The following CCDC60 variants were observed in gnomAD, a reference collection of about 807,000 sequenced individuals.
The protein encoded by CCDC60 is coiled-coil domain-containing protein 60.
Under a neutral mutation model 63.5 loss-of-function variants are expected in CCDC60, and 54 were observed. That is an observed-to-expected ratio of 0.85 (90% CI 0.68 to 1.07). The LOEUF (loss-of-function observed/expected upper bound fraction) is 1.07, where lower values mean the gene tolerates loss of function less well. Ranked by LOEUF, CCDC60 falls within the 50% of genes least tolerant of loss-of-function variation. The pLI, the probability that CCDC60 is intolerant of heterozygous loss-of-function variation, is 0.00. For missense variants in CCDC60, 651 were observed against 684.3 expected, an observed-to-expected ratio of 0.95 and a Z score of 0.54; for synonymous variants, 206 against 238.8, an observed-to-expected ratio of 0.86 and a Z score of 1.27.
chr12:119,435,018 C>G (rs931654999), intron 2 of CCDC60, among the ~76,000 whole-genome samples: 1 of 152,194 alleles, frequency 6.6e-6, no homozygotes, highest in African/African-American at 2.4e-5. Context: ...ATGAGGGAAA[C>G]AGCAGTGAAC....
At chr12:119,356,589 G>T (rs1955721666) in intron 1 of CCDC60, among the ~76,000 whole-genome samples, 2 of 152,198 alleles carry the variant, frequency 1.3e-5, no homozygotes, top group Non-Finnish European at 2.9e-5. Context: ...CCCAGATACA[G>T]GCACTGTGGT....
At chr12:119,417,273 G>C (rs1003353457) in intron 1 of CCDC60, among the ~76,000 whole-genome samples, 3 of 151,940 alleles carry the variant, frequency 2.0e-5, no homozygotes, top group African/African-American at 7.3e-5. Flanking sequence ...ATGCTACATT[G>C]TATGATGTAC....
chr12:119,433,629 A>C (rs907885482), intron 2 of CCDC60: 1 of 699,718 alleles, frequency 1.4e-6, no homozygotes, highest in African/African-American at 1.7e-5. Context: ...GCGAATTGTT[A>C]ACAAAGATGA....
At chr12:119,418,694 C>A (rs370925566) in intron 1 of CCDC60, among the ~76,000 whole-genome samples, 16 of 152,164 alleles carry the variant, frequency 1.1e-4, no homozygotes, top group African/African-American at 3.9e-4. Flanking sequence ...GGATTACAGG[C>A]GTGAGCCCCA....
At chr12:119,399,303 C>T (rs1168222865) in intron 1 of CCDC60, among the ~76,000 whole-genome samples, 2 of 152,168 alleles carry the variant, frequency 1.3e-5, no homozygotes, top group Non-Finnish European at 2.9e-5. Context: ...AGATGGGCAT[C>T]CTCCTGTTGA....
chr12:119,379,875 A>T (rs540911623), intron 1 of CCDC60, among the ~76,000 whole-genome samples: 1 of 152,310 alleles, frequency 6.6e-6, no homozygotes, highest in East Asian at 1.9e-4. Context: ...CATTGAGAAT[A>T]CCCAGCAGGC....
At chr12:119,451,121 A>G (rs749502674) in intron 2 of CCDC60, among the ~76,000 whole-genome samples, 5 of 152,318 alleles carry the variant, frequency 3.3e-5, no homozygotes, top group Admixed American at 6.5e-5. Flanking sequence ...CCTGAAACAA[A>G]GCAAGGTCCA....
At chr12:119,352,995 C>T (rs1389370690) in intron 1 of CCDC60, among the ~76,000 whole-genome samples, 1 of 152,014 alleles carries the variant, frequency 6.6e-6, no homozygotes, top group Non-Finnish European at 1.5e-5. Flanking sequence ...AGATGATGCT[C>T]ATACAGCTTT....
chr12:119,364,321 T>C (rs940942723), intron 1 of CCDC60, among the ~76,000 whole-genome samples: 3 of 152,178 alleles, frequency 2.0e-5, no homozygotes, highest in Non-Finnish European at 4.4e-5. Context: ...CTAATCAAGA[T>C]ATAGAGCATT....
chr12:119,536,552 C>A (rs539816608), intron 13 of CCDC60, among the ~76,000 whole-genome samples: 20 of 152,284 alleles, frequency 1.3e-4, no homozygotes, highest in African/African-American at 4.8e-4. Flanking sequence ...GTGGCTGGTA[C>A]CGGTTGTTCC....
intron 1 of CCDC60, among the ~76,000 whole-genome samples, chr12:119,342,580 T>C (rs1955543875): frequency 6.6e-6 from 1 of 152,198 alleles, no homozygotes; most frequent in South Asian, 2.1e-4. Context: ...CAACAACTGC[T>C]TAGGAATCTC....
At chr12:119,360,296 C>T (rs1185107970) in intron 1 of CCDC60, among the ~76,000 whole-genome samples, 17 of 145,880 alleles carry the variant, frequency 1.2e-4, no homozygotes, top group African/African-American at 2.8e-4. Flanking sequence ...AGGGGGCTGA[C>T]CCCCCCACCT....
intron 1 of CCDC60, among the ~76,000 whole-genome samples, chr12:119,415,706 G>A (rs1956686836): frequency 6.6e-6 from 1 of 152,198 alleles, no homozygotes; most frequent in Non-Finnish European, 1.5e-5. Context: ...AGGAAGCAAA[G>A]TCAACAACTT....
At chr12:119,474,047 T>C (rs926973083) in intron 3 of CCDC60, among the ~76,000 whole-genome samples, 1 of 152,244 alleles carries the variant, frequency 6.6e-6, no homozygotes, top group Non-Finnish European at 1.5e-5. Flanking sequence ...AACTCCATAC[T>C]GTTTTCCACA....
intron 13 of CCDC60, among the ~76,000 whole-genome samples, chr12:119,533,261 C>A (rs184871038): frequency 6.6e-6 from 1 of 151,494 alleles, no homozygotes. Flanking sequence ...TTTTTGATGG[C>A]GTTGTTTATT....
chr12:119,356,686 T>C (rs898485893), intron 1 of CCDC60, among the ~76,000 whole-genome samples: 2 of 152,208 alleles, frequency 1.3e-5, no homozygotes, highest in Non-Finnish European at 2.9e-5. Context: ...TGTCCAAAGA[T>C]AAAATTCCTA....
At position 119,428,837 on chromosome 12, in the gene CCDC60, G is replaced by A. The variant is rs541193266; in HGVS notation, c.170+75G>A. 5.8e-5 allele frequency: 55 copies of A among 945,518 alleles called. No individual in the cohort carries two copies. The South Asian group carries it at 7.7e-4, about 13-fold the overall frequency. The allele number at this position is 945,518 out of a possible 1,614,324, so 58.6% of individuals were successfully genotyped here. On this transcript the variant is annotated intron_variant, in intron 2 of 13. Transcript: ENST00000327554. ...GCAGGCTATGGGGTGTTGCCTACAAGTCCTTGCCCAGTCCCAGCATCCCCC... is the reference window on the plus strand; with the variant it reads ...GCAGGCTATGGGGTGTTGCCTACAAATCCTTGCCCAGTCCCAGCATCCCCC...
chr12:119,426,757 C>A (rs190652808), intron 1 of CCDC60, among the ~76,000 whole-genome samples: 1 of 152,190 alleles, frequency 6.6e-6, no homozygotes, highest in African/African-American at 2.4e-5. Flanking sequence ...TACATGGGAA[C>A]ATGTATTGGC....
chr12:119,428,295 A>C (rs190097779), intron 1 of CCDC60, among the ~76,000 whole-genome samples: 1 of 152,334 alleles, frequency 6.6e-6, no homozygotes, highest in East Asian at 1.9e-4. Flanking sequence ...TTATAGTAGT[A>C]GCTTCCATTT....
Sources: gnomAD v4.1 joint callset for allele counts (sites outside exome capture counted in the v4.1 genomes callset) on GRCh38, gnomAD v4.1.1 for gene constraint, MANE v1.5 for transcripts, NCBI Gene and HGNC (gene_info 2026-07-23, HGNC 2026-07-21) for gene names.